Variants in EIPR1 observed in about 807,000 individuals in gnomAD.
The protein encoded by EIPR1 is EARP complex and GARP complex interacting protein 1, also known as EARP and GARP complex-interacting protein 1.
A neutral mutation model predicts 48.1 loss-of-function variants in EIPR1; 25 were observed. That is an observed-to-expected ratio of 0.52 (90% CI 0.38 to 0.73). The LOEUF is 0.73. Ranked by LOEUF, EIPR1 falls within the 30% of genes least tolerant of loss-of-function variation. EIPR1 has a pLI of 0.00. For missense variants in EIPR1, 415 were observed against 506.2 expected (o/e 0.82, Z 1.73); for synonymous variants, 204 against 201.9 (o/e 1.01, Z -0.09).
At chr2:3,285,920 C>A (rs1159003752) in intron 3 of EIPR1, among the ~76,000 whole-genome samples, 2 of 150,442 alleles carry the variant, frequency 1.3e-5, no homozygotes, top group African/African-American at 2.5e-5. Flanking sequence ...GCAGAAGTCA[C>A]CGACTGTCGC....
chr2:3,327,049 C>T (rs1270316603), intron 3 of EIPR1, among the ~76,000 whole-genome samples: 9 of 152,246 alleles, frequency 5.9e-5, no homozygotes, highest in South Asian at 2.1e-4. Context: ...AGTCAGCAGG[C>T]GAGACAGGAA....
intron 3 of EIPR1, among the ~76,000 whole-genome samples, chr2:3,279,562 C>T (rs1459695624): frequency 6.6e-6 from 1 of 152,310 alleles, no homozygotes; most frequent in Admixed American, 6.5e-5. Flanking sequence ...GATACCAATG[C>T]TTCTCTTCTG....
At chr2:3,259,159 G>A (rs914381609) in intron 3 of EIPR1, among the ~76,000 whole-genome samples, 1 of 152,134 alleles carries the variant, frequency 6.6e-6, no homozygotes, top group African/African-American at 2.4e-5. Flanking sequence ...AATCTTACAA[G>A]TTATAGAACT....
chr2:3,313,380 G>A (rs1198418122), intron 3 of EIPR1, among the ~76,000 whole-genome samples: 1 of 152,014 alleles, frequency 6.6e-6, no homozygotes, highest in Non-Finnish European at 1.5e-5. Context: ...AGTGGGTGGG[G>A]GGGTTCAAGG....
chr2:3,259,947 C>T (rs1052245637), intron 3 of EIPR1, among the ~76,000 whole-genome samples: 1 of 152,000 alleles, frequency 6.6e-6, no homozygotes, highest in African/African-American at 2.4e-5. Context: ...ATGATAAAGA[C>T]GTAAAGATAA....
At chr2:3,207,727 G>A (rs1442160798) in intron 5 of EIPR1, 1 of 152,190 alleles carries the variant, frequency 6.6e-6, no homozygotes, top group Non-Finnish European at 1.5e-5. Context: ...TTAAGAGCTT[G>A]GGAAAAAGAC....
chr2:3,207,320 G>C (rs756015914), intron 5 of EIPR1, among the ~76,000 whole-genome samples: 1 of 152,208 alleles, frequency 6.6e-6, no homozygotes, highest in South Asian at 2.1e-4. Flanking sequence ...AGGGGACCTC[G>C]TTTTGCAGGC....
intron 3 of EIPR1, among the ~76,000 whole-genome samples, chr2:3,300,232 A>C (rs902537464): frequency 1.3e-5 from 2 of 152,220 alleles, no homozygotes; most frequent in Non-Finnish European, 2.9e-5. Flanking sequence ...TAGTTTTAAG[A>C]TGTCAAAACT....
At chr2:3,192,308 A>G (rs1169711161) in intron 8 of EIPR1, 106 bp downstream of exon 8, 6 of 1,331,870 alleles carry the variant, frequency 4.5e-6, no homozygotes, top group East Asian at 5.2e-5. Flanking sequence ...GTGTCCCCCA[A>G]ATGCACTCCT....
At chr2:3,228,902 G>A (rs868297735) in intron 4 of EIPR1, among the ~76,000 whole-genome samples, 1 of 152,158 alleles carries the variant, frequency 6.6e-6, no homozygotes. Flanking sequence ...CAGCAATGTG[G>A]AACTGTGAGT....
chr2:3,217,281 A>G (rs1198034486), intron 4 of EIPR1, among the ~76,000 whole-genome samples: 1 of 152,244 alleles, frequency 6.6e-6, no homozygotes, highest in Non-Finnish European at 1.5e-5. Flanking sequence ...CATAAGAGCA[A>G]CACTGTATTA....
intron 6 of EIPR1, 123 bp downstream of exon 6, chr2:3,196,758 C>T (rs1171417467): frequency 2.9e-5 from 39 of 1,364,838 alleles, no homozygotes; most frequent in African/African-American, 1.9e-4. Flanking sequence ...CCTACAAAAA[C>T]GAGATAAAGA....
Position 3,194,018 on chromosome 2 carries a change from G to C in EIPR1, c.802C>G (p.Leu268Val), listed in dbSNP as rs1664703911. ...TRNVTEPVKT[L>V]EEHSHWVWNV... The stretch of plus-strand genomic sequence containing the variant: ...CCCTACCAGTGGGAGTGCTCCTCCA[G>C]GGTCTTCACGGGTTCGGTGACATTT... The change falls in exon 7 of 9, where the codon CTG becomes GTG. Residue 268 changes from leucine (L) to valine (V), a missense_variant. Transcript: ENST00000382125. 7 of 1,613,656 alleles carry C rather than the reference G, an allele frequency of 4.3e-6. No homozygotes were observed. Among genetic ancestry groups the C allele is most frequent in the Non-Finnish European group, 5.1e-6 (6 of 1,180,004 alleles).
At chr2:3,229,096 A>C (rs2103163067) in intron 4 of EIPR1, among the ~76,000 whole-genome samples, 1 of 152,390 alleles carries the variant, frequency 6.6e-6, no homozygotes, top group South Asian at 2.1e-4. Flanking sequence ...GTTGACAAGG[A>C]ATAACAAAAT....
chr2:3,263,728 G>A (rs1002729736), intron 3 of EIPR1, among the ~76,000 whole-genome samples: 1 of 152,302 alleles, frequency 6.6e-6, no homozygotes, highest in Non-Finnish European at 1.5e-5. Flanking sequence ...GACGCGGCAC[G>A]GTGCCGGACC....
chr2:3,197,243 T>C (rs1664843313), intron 5 of EIPR1, among the ~76,000 whole-genome samples: 2 of 152,194 alleles, frequency 1.3e-5, no homozygotes, highest in South Asian at 4.1e-4. Flanking sequence ...AGCATATTAA[T>C]AGGCCTCTAT....
intron 3 of EIPR1, among the ~76,000 whole-genome samples, chr2:3,258,824 T>C (rs1390671789): frequency 6.6e-6 from 1 of 152,210 alleles, no homozygotes; most frequent in Non-Finnish European, 1.5e-5. Context: ...CAATTATGGC[T>C]TAAAGAAAAA....
At chr2:3,252,075 C>T (rs1050190398) in intron 4 of EIPR1, among the ~76,000 whole-genome samples, 27 of 152,344 alleles carry the variant, frequency 1.8e-4, no homozygotes, top group African/African-American at 4.6e-4. Context: ...AAAGGGGCCT[C>T]GTTCACAGAA....
chr2:3,215,392 CT>C (rs1558228590), intron 4 of EIPR1, among the ~76,000 whole-genome samples: 1 of 152,232 alleles, frequency 6.6e-6, no homozygotes, highest in East Asian at 1.9e-4. Flanking sequence ...CCACACCAGG[CT>C]CAGGGGTGAT....
Sources: allele counts gnomAD v4.1 joint callset (sites outside exome capture counted in the v4.1 genomes callset), GRCh38; gene constraint gnomAD v4.1.1; transcripts MANE v1.5; gene names NCBI Gene and HGNC (gene_info 2026-07-23, HGNC 2026-07-21).